The following ANKFN1 variants were observed in gnomAD, a reference collection of about 807,000 sequenced individuals.
ANKFN1 encodes the protein ankyrin repeat and fibronectin type-III domain-containing protein 1.
ANKFN1 carries 74 observed loss-of-function variants against 108.7 expected under a neutral mutation model. That is an observed-to-expected ratio of 0.68 (90% confidence interval 0.56 to 0.83). The LOEUF is 0.83. Ranked by LOEUF, ANKFN1 falls within the 40% of genes least tolerant of loss-of-function variation. The pLI is 0.00. For missense variants in ANKFN1, 1,505 were observed against 1,382.3 expected (o/e 1.09, Z -1.41); for synonymous variants, 547 against 516.2 (o/e 1.06, Z -0.81).
chr17:56,146,076 C>T (rs1007325609), intron 4 of ANKFN1, among the ~76,000 whole-genome samples: 1 of 152,174 alleles, frequency 6.6e-6, no homozygotes, highest in East Asian at 1.9e-4. Context: ...GGCTACAGGC[C>T]CCATGCAAGT....
At chr17:56,291,532 G>T (rs1405476228) in intron 3 of ANKFN1, among the ~76,000 whole-genome samples, 1 of 152,154 alleles carries the variant, frequency 6.6e-6, no homozygotes, top group African/African-American at 2.4e-5. Context: ...TTATGATGAT[G>T]ATTATGATTC....
chr17:56,438,102 C>T (rs1305287500), intron 8 of ANKFN1, among the ~76,000 whole-genome samples: 1 of 151,996 alleles, frequency 6.6e-6, no homozygotes, highest in East Asian at 1.9e-4. Flanking sequence ...ATGAATGACA[C>T]TTTCCTGTTC....
At chr17:56,108,572 G>A (rs1905796531) in intron 4 of ANKFN1, among the ~76,000 whole-genome samples, 1 of 152,168 alleles carries the variant, frequency 6.6e-6, no homozygotes, top group South Asian at 2.1e-4. Context: ...TACAAATAAG[G>A]AAACTAAGTC....
At position 56,248,250 on chromosome 17, in the gene ANKFN1, C is replaced by A. The variant is rs145866054; in HGVS notation, c.53+20293C>A. Among the ~76,000 whole-genome samples the A allele has an allele frequency of 2.0e-5, 3 of 152,246 alleles. No individual in the cohort carries two copies. The East Asian group carries it at 5.8e-4, about 29-fold the overall frequency. Reference sequence around the variant, plus strand: ...AACCCAGCCTCTGCCCTTAGAGGCTCACCTCATGATACAGAGTATGAGAAG... The same window carrying A: ...AACCCAGCCTCTGCCCTTAGAGGCTAACCTCATGATACAGAGTATGAGAAG... On this transcript the variant is annotated intron_variant, in intron 3 of 20. Coordinates refer to ENST00000682825, the MANE Select transcript of ANKFN1 (RefSeq NM_001370326.1).
At chr17:56,428,654 G>A (rs562181275) in intron 8 of ANKFN1, among the ~76,000 whole-genome samples, 6 of 151,666 alleles carry the variant, frequency 4.0e-5, no homozygotes, top group South Asian at 4.2e-4. Flanking sequence ...GTAGAGATGC[G>A]GTTTCACCAT....
chr17:56,486,327 T>C (rs942059955), intron 18 of ANKFN1, among the ~76,000 whole-genome samples: 3 of 152,204 alleles, frequency 2.0e-5, no homozygotes, highest in Admixed American at 6.5e-5. Flanking sequence ...CTATTAGTCT[T>C]TTTTTAGGGA....
At chr17:56,095,090 C>A (rs1170679966) in intron 4 of ANKFN1, among the ~76,000 whole-genome samples, 1 of 150,728 alleles carries the variant, frequency 6.6e-6, no homozygotes, top group African/African-American at 2.4e-5. Context: ...TTAGAGAGAC[C>A]CATGTACTGT....
chr17:56,260,289 G>A (rs944531566), intron 3 of ANKFN1, among the ~76,000 whole-genome samples: 1 of 152,214 alleles, frequency 6.6e-6, no homozygotes, highest in Non-Finnish European at 1.5e-5. Flanking sequence ...GAGGCATATG[G>A]ATTAGATTTC....
At chr17:56,295,872 T>C (rs749645125) in intron 3 of ANKFN1, among the ~76,000 whole-genome samples, 6 of 152,158 alleles carry the variant, frequency 3.9e-5, no homozygotes, top group Non-Finnish European at 8.8e-5. Context: ...CCTGAGATAA[T>C]AGCATTAAGC....
At position 56,511,233 on chromosome 17, in the gene ANKFN1, C is replaced by T. The variant is rs765525489; in HGVS notation, c.3405C>T (p.Ala1135=). The T allele has an allele frequency of 1.3e-4, 206 of 1,532,942 alleles. 1 individual carries two copies. Among genetic ancestry groups the T allele is most frequent in the Non-Finnish European group, 6.6e-5 (76 of 1,144,862 alleles). The allele number at this position is 1,532,942 out of a possible 1,614,324, so 95.0% of individuals were successfully genotyped here. A position where few individuals can be genotyped will look rare whatever the true frequency, so the allele number is the denominator to read the frequency against. ...GPDVSQEGPT[A]SPMSEILSSM... ...ATGTGAGTCAGGAGGGCCCCACCGC[C>T]TCTCCCATGTCAGAAATACTCAGCA... Residue 1135 remains alanine, a synonymous_variant, in exon 21 of 21, where the codon GCC becomes GCT. Transcript: ENST00000682825.
intron 15 of ANKFN1, chr17:56,472,450 C>T (rs914827535): frequency 6.6e-6 from 1 of 152,116 alleles, no homozygotes; most frequent in Non-Finnish European, 1.5e-5. Context: ...TGATCAATGA[C>T]GAGAAGGTGG....
chr17:56,414,442 A>G (rs1477956111), intron 8 of ANKFN1, among the ~76,000 whole-genome samples: 1 of 152,228 alleles, frequency 6.6e-6, no homozygotes, highest in African/African-American at 2.4e-5. Context: ...ACACATCAAG[A>G]AAAGGAAAAC....
At chr17:56,095,369 G>A (rs1462219008) in intron 4 of ANKFN1, among the ~76,000 whole-genome samples, 1 of 150,052 alleles carries the variant, frequency 6.7e-6, no homozygotes, top group Non-Finnish European at 1.5e-5. Context: ...ATAGCTCAGT[G>A]CAACCTTGAA....
At chr17:56,443,706 C>T (rs926353357) in intron 10 of ANKFN1, among the ~76,000 whole-genome samples, 9 of 152,270 alleles carry the variant, frequency 5.9e-5, no homozygotes, top group Admixed American at 2.0e-4. Flanking sequence ...AAAGGCCTTC[C>T]GATTATTTGA....
intron 8 of ANKFN1, among the ~76,000 whole-genome samples, chr17:56,386,327 G>T (rs967979515): frequency 9.9e-5 from 15 of 151,990 alleles, no homozygotes; most frequent in East Asian, 5.8e-4. Flanking sequence ...GTTGTGGGGT[G>T]GGGGGAGCGG....
chr17:56,184,001 A>G (rs896806344), intron 1 of ANKFN1, among the ~76,000 whole-genome samples: 13 of 152,224 alleles, frequency 8.5e-5, no homozygotes, highest in African/African-American at 2.2e-4. Flanking sequence ...GTTTCTTGCC[A>G]TGGGATCCAC....
chr17:56,185,925 GA>G (rs11284568), intron 1 of ANKFN1, among the ~76,000 whole-genome samples: 51,432 of 150,018 alleles, frequency 0.34, 9,514 homozygotes, highest in East Asian at 0.51. Context: ...AAATTAAAGT[GA>G]AAAAAAAAAT....
Position 56,454,007 on chromosome 17 carries a change from C to G in ANKFN1, c.1208-2854C>G, listed in dbSNP as rs765751259. 1.2e-4 allele frequency among the ~76,000 whole-genome samples: 18 copies of G among 152,074 alleles called. 1 individual carries two copies. Among genetic ancestry groups the G allele is most frequent in the African/African-American group, 4.3e-4 (18 of 41,426 alleles). ...TGTTATATTGGGCACCTGGAAAGTC[C>G]TTTCAACATGAGAAGTTATACCCTT... On this transcript the variant is annotated intron_variant, in intron 11 of 20. Coordinates refer to ENST00000682825, the MANE Select transcript of ANKFN1 (RefSeq NM_001370326.1).
intron 4 of ANKFN1, among the ~76,000 whole-genome samples, chr17:56,060,284 T>G (rs557709429): frequency 1.2e-4 from 19 of 152,344 alleles, no homozygotes; most frequent in Admixed American, 1.2e-3. Flanking sequence ...TGACTTTGTA[T>G]CCTGTGACTT....
Sources: allele counts gnomAD v4.1 joint callset (sites outside exome capture counted in the v4.1 genomes callset), GRCh38; gene constraint gnomAD v4.1.1; transcripts MANE v1.5; gene names NCBI Gene and HGNC (gene_info 2026-07-23, HGNC 2026-07-21).